FOXN3: variants seen among roughly 807,000 people sequenced by gnomAD.
FOXN3 encodes the protein forkhead box N3.
FOXN3 carries 7 observed loss-of-function variants against 38.4 expected under a neutral mutation model. The ratio of observed to expected loss-of-function variants is 0.18; its 90% CI spans 0.10 to 0.34. FOXN3 has a LOEUF of 0.34. Among genes scored for constraint, FOXN3 ranks in the 10% least tolerant of loss-of-function variants. The probability of loss-of-function intolerance (pLI) is 1.00; values close to 1 mark genes in which losing one functional copy is unlikely to be tolerated. For missense variants in FOXN3, 456 were observed against 613.4 expected (o/e 0.74, Z 2.71); for synonymous variants, 230 against 242.2 (o/e 0.95, Z 0.47).
intron 1 of FOXN3, among the ~76,000 whole-genome samples, chr14:89,461,459 T>C (rs1221826466): frequency 6.6e-6 from 1 of 152,136 alleles, no homozygotes; most frequent in Non-Finnish European, 1.5e-5. Context: ...CACTGCATCA[T>C]ATCAGGGTAT....
intron 1 of FOXN3, among the ~76,000 whole-genome samples, chr14:89,436,765 A>G (rs1892283769): frequency 6.6e-6 from 1 of 152,224 alleles, no homozygotes; most frequent in East Asian, 1.9e-4. Flanking sequence ...AAAGAAAGCC[A>G]TAGTTTGACA....
At chr14:89,593,272 T>C (rs1895995439) in intron 1 of FOXN3, among the ~76,000 whole-genome samples, 1 of 151,744 alleles carries the variant, frequency 6.6e-6, no homozygotes, top group African/African-American at 2.4e-5. Flanking sequence ...AGGAGAAGTA[T>C]GTTTAGAGAG....
chr14:89,368,740 C>G (rs1397901923), intron 2 of FOXN3, among the ~76,000 whole-genome samples: 5 of 152,142 alleles, frequency 3.3e-5, no homozygotes, highest in African/African-American at 9.7e-5. Flanking sequence ...GTCACAGGGG[C>G]AGCTGGGATA....
chr14:89,212,393 A>G (rs767016240), intron 4 of FOXN3, among the ~76,000 whole-genome samples: 9 of 152,130 alleles, frequency 5.9e-5, no homozygotes, highest in Non-Finnish European at 1.2e-4. Flanking sequence ...TGCCAATTAG[A>G]TGAAGTCAGG....
intron 3 of FOXN3, among the ~76,000 whole-genome samples, chr14:89,299,985 C>T (rs1887167442): frequency 3.3e-5 from 5 of 152,206 alleles, no homozygotes; most frequent in Admixed American, 2.6e-4. Context: ...CTTGCATCTT[C>T]TGTCCCAGCA....
At chr14:89,527,328 C>A (rs1894453155) in intron 1 of FOXN3, among the ~76,000 whole-genome samples, 1 of 152,062 alleles carries the variant, frequency 6.6e-6, no homozygotes, top group African/African-American at 2.4e-5. Flanking sequence ...AGGCAAATAC[C>A]TGTTAGATAT....
chr14:89,416,125 A>ACG (rs940270572), intron 1 of FOXN3, among the ~76,000 whole-genome samples: 6 of 151,882 alleles, frequency 4.0e-5, no homozygotes, highest in African/African-American at 7.3e-5. Context: ...CCCACCCAGC[A>ACG]CGCGCGCGCG....
chr14:89,448,662 G>A (rs1892557187), intron 1 of FOXN3, among the ~76,000 whole-genome samples: 1 of 152,094 alleles, frequency 6.6e-6, no homozygotes, highest in South Asian at 2.1e-4. Flanking sequence ...TCCTGGGTGG[G>A]GTGCGGTGGC....
chr14:89,262,288 G>T (rs765662733), intron 4 of FOXN3, among the ~76,000 whole-genome samples: 28 of 152,220 alleles, frequency 1.8e-4, no homozygotes, highest in Non-Finnish European at 1.3e-4. Context: ...GGCCAGCTAG[G>T]TATCTAAGAA....
intron 1 of FOXN3, among the ~76,000 whole-genome samples, chr14:89,446,077 G>C (rs1326801170): frequency 4.1e-5 from 1 of 24,456 alleles, no homozygotes; most frequent in African/African-American, 9.8e-5. Flanking sequence ...AACAGAGCGA[G>C]ACCCTGCCTC....
At chr14:89,520,926 A>T (rs1894304413) in intron 1 of FOXN3, among the ~76,000 whole-genome samples, 1 of 152,208 alleles carries the variant, frequency 6.6e-6, no homozygotes, top group South Asian at 2.1e-4. Flanking sequence ...CATGCACATG[A>T]TGTAAAATAT....
chr14:89,518,053 G>A (rs1470078397), intron 1 of FOXN3, among the ~76,000 whole-genome samples: 1 of 152,146 alleles, frequency 6.6e-6, no homozygotes, highest in Non-Finnish European at 1.5e-5. Context: ...GCATCTTCTG[G>A]TCATTGACAA....
intron 1 of FOXN3, among the ~76,000 whole-genome samples, chr14:89,499,015 A>T (rs1893743888): frequency 6.6e-6 from 1 of 152,218 alleles, no homozygotes; most frequent in Non-Finnish European, 1.5e-5. Context: ...ACCTCTGCCC[A>T]TGATGATAGA....
intron 3 of FOXN3, among the ~76,000 whole-genome samples, chr14:89,309,474 G>A (rs1171133991): frequency 6.6e-6 from 1 of 152,124 alleles, no homozygotes; most frequent in African/African-American, 2.4e-5. Context: ...AGAAAATGGG[G>A]GAAGCAGATT....
At chr14:89,179,270 C>T (rs1022685916) in intron 5 of FOXN3, among the ~76,000 whole-genome samples, 1 of 152,166 alleles carries the variant, frequency 6.6e-6, no homozygotes, top group African/African-American at 2.4e-5. Flanking sequence ...TTATCAGAAC[C>T]TATAGACCTT....
chr14:89,265,698 T>C (rs143927647), intron 4 of FOXN3, among the ~76,000 whole-genome samples: 1 of 152,330 alleles, frequency 6.6e-6, no homozygotes, highest in African/African-American at 2.4e-5. Flanking sequence ...AAATTACACA[T>C]GCAAGTATAC....
At chr14:89,325,171 C>T (rs962800397) in intron 3 of FOXN3, among the ~76,000 whole-genome samples, 2 of 152,006 alleles carry the variant, frequency 1.3e-5, no homozygotes, top group Non-Finnish European at 2.9e-5. Flanking sequence ...CTGAGCTATG[C>T]TATTCTTCGG....
At position 89,548,685 on chromosome 14, in the gene FOXN3, A is replaced by G. The variant is rs1374314444; in HGVS notation, c.-15+70343T>C. Among the ~76,000 whole-genome samples, 1 of 152,102 alleles carries G rather than the reference A, an allele frequency of 6.6e-6. No individual in the cohort carries two copies. The highest frequency in any genetic ancestry group is 1.5e-5 in the Non-Finnish European group (1 of 68,020). On this transcript the variant is annotated intron_variant, in intron 1 of 6. Transcript: ENST00000345097. The surrounding 1 kb of genome is among the most constrained non-coding windows in gnomAD (Gnocchi z 4.8). ...TGACTTTTCTTTTCAATTTATATAT[A>G]TGTATGTATGTATGTATATATGCCT...
chr14:89,498,954 T>A (rs997569396), intron 1 of FOXN3, among the ~76,000 whole-genome samples: 1 of 152,202 alleles, frequency 6.6e-6, no homozygotes, highest in Non-Finnish European at 1.5e-5. Flanking sequence ...AGTCTGTGGC[T>A]CACGATTTAG....
Sources: allele counts gnomAD v4.1 joint callset (sites outside exome capture counted in the v4.1 genomes callset), GRCh38; gene constraint gnomAD v4.1.1; non-coding constraint Gnocchi (gnomAD v3.1); transcripts MANE v1.5; gene names NCBI Gene and HGNC (gene_info 2026-07-23, HGNC 2026-07-21).